The following EXOC4 variants were observed in gnomAD, a reference collection of about 807,000 sequenced individuals.
EXOC4 encodes SEC8-like 1.
A neutral mutation model predicts 107.2 loss-of-function variants in EXOC4; 71 were observed. The ratio of observed to expected loss-of-function variants is 0.66; its 90% confidence interval spans 0.55 to 0.81. EXOC4 has a LOEUF of 0.81. Among genes scored for constraint, EXOC4 ranks in the 30% least tolerant of loss-of-function variants. EXOC4 has a pLI of 0.00. For synonymous variants in EXOC4, 456 were observed against 441.2 expected (o/e 1.03, Z -0.42); for missense variants, 1,108 against 1,189.6 (o/e 0.93, Z 1.01).
At position 134,062,694 on chromosome 7, in the gene EXOC4, T is replaced by G. The variant is rs190438387; in HGVS notation, c.2688-1597T>G. On this transcript the variant is annotated intron_variant, in intron 17 of 17. Coordinates refer to ENST00000253861, the MANE Select transcript of EXOC4 (RefSeq NM_021807.4). ...ATAAGCCTTCCTGGCTCAGAGTCTG[T>G]GTTGAACTTGACCTCCTGGGTAATT... is the stretch of plus-strand genomic sequence containing the variant. Among the ~76,000 whole-genome samples, 67 of 143,482 alleles carry G rather than the reference T, an allele frequency of 4.7e-4. No individual in the cohort carries two copies. The East Asian group carries it at 0.012, about 25-fold the overall frequency. The allele number at this position is 143,482 out of a possible 152,430, so 94.1% of individuals were successfully genotyped here.
In EXOC4 at chr7:133,534,897, G is replaced by C. The variant is rs952397137; in HGVS notation, c.1417+54759G>C. On this transcript the variant is annotated intron_variant, in intron 9 of 17. Coordinates refer to ENST00000253861, the MANE Select transcript of EXOC4 (RefSeq NM_021807.4). ...CGGGGTGAATTTTATGCTTGGAGCT[G>C]TTATTATCCCATGTGGTATCTGTTG... 5.3e-5 allele frequency among the ~76,000 whole-genome samples: 8 copies of C among 152,200 alleles called. No homozygotes were observed. In the East Asian group the frequency reaches 1.2e-3, roughly 22 times the overall value.
At chr7:133,945,464 C>T (rs1585268086) in intron 14 of EXOC4, among the ~76,000 whole-genome samples, 1 of 152,172 alleles carries the variant, frequency 6.6e-6, no homozygotes, top group Admixed American at 6.5e-5. Flanking sequence ...TACGGTACTT[C>T]GTGTCCATGC....
At chr7:133,714,521 G>T (rs575483924) in intron 10 of EXOC4, among the ~76,000 whole-genome samples, 1 of 152,136 alleles carries the variant, frequency 6.6e-6, no homozygotes, top group South Asian at 2.1e-4. Context: ...TATAATGATT[G>T]TCATAATATA....
intron 9 of EXOC4, among the ~76,000 whole-genome samples, chr7:133,611,727 A>C (rs1219538007): frequency 1.3e-5 from 2 of 152,044 alleles, no homozygotes; most frequent in African/African-American, 4.8e-5. Context: ...TCTGTGTGTC[A>C]TTTCCATGAA....
intron 9 of EXOC4, among the ~76,000 whole-genome samples, chr7:133,501,867 C>G (rs1799581937): frequency 1.3e-5 from 2 of 152,010 alleles, no homozygotes; most frequent in Non-Finnish European, 2.9e-5. Flanking sequence ...CCTTGTAAGC[C>G]CACTTATTAT....
chr7:133,263,440 G>A (rs1188663630), intron 1 of EXOC4, among the ~76,000 whole-genome samples: 2 of 139,646 alleles, frequency 1.4e-5, no homozygotes, highest in East Asian at 4.2e-4. Context: ...GGAGTGCAGT[G>A]GTGTGATCTC....
chr7:133,869,920 T>G (rs540089586), intron 11 of EXOC4, among the ~76,000 whole-genome samples: 1 of 152,330 alleles, frequency 6.6e-6, no homozygotes, highest in Middle Eastern at 3.4e-3. Context: ...CTAGCTGATT[T>G]TTTGATCCAA....
At chr7:133,619,087 A>AT (rs56319913) in intron 9 of EXOC4, among the ~76,000 whole-genome samples, 20,285 of 152,122 alleles carry the variant, frequency 0.13, 1,478 homozygotes, top group East Asian at 0.25. Context: ...TGGTAAAGTT[A>AT]TTTAAAGCCA....
intron 5 of EXOC4, among the ~76,000 whole-genome samples, chr7:133,354,804 A>G (rs980219609): frequency 2.0e-5 from 3 of 152,138 alleles, no homozygotes; most frequent in Non-Finnish European, 4.4e-5. Context: ...CTACTTTGGT[A>G]AGAGCTGTAA....
chr7:133,523,985 T>C (rs1322407044), intron 9 of EXOC4, among the ~76,000 whole-genome samples: 1 of 150,182 alleles, frequency 6.7e-6, no homozygotes, highest in Non-Finnish European at 1.5e-5. Flanking sequence ...GGTCAAATGG[T>C]ATTTCTAGTT....
intron 7 of EXOC4, among the ~76,000 whole-genome samples, chr7:133,431,301 A>G (rs1371798282): frequency 2.6e-5 from 4 of 152,184 alleles, no homozygotes; most frequent in Admixed American, 2.0e-4. Flanking sequence ...AGTCATTTAC[A>G]TGTTTACTGC....
intron 7 of EXOC4, among the ~76,000 whole-genome samples, chr7:133,403,163 G>A (rs1178385631): frequency 3.9e-5 from 6 of 152,106 alleles, no homozygotes; most frequent in East Asian, 3.9e-4. Context: ...GATTGCAGGC[G>A]TGAGCCATCG....
At chr7:133,772,505 T>C (rs548647845) in intron 10 of EXOC4, among the ~76,000 whole-genome samples, 55 of 144,816 alleles carry the variant, frequency 3.8e-4, no homozygotes, top group African/African-American at 1.3e-3. Context: ...AATGTGCACA[T>C]GTACCCTAAA....
At chr7:133,569,422 G>A (rs1053377572) in intron 9 of EXOC4, among the ~76,000 whole-genome samples, 1 of 152,166 alleles carries the variant, frequency 6.6e-6, no homozygotes, top group Admixed American at 6.5e-5. Context: ...AAATGTGTAA[G>A]TTGACATAAT....
At chr7:133,502,194 A>AT (rs1252793785) in intron 9 of EXOC4, among the ~76,000 whole-genome samples, 12 of 148,110 alleles carry the variant, frequency 8.1e-5, no homozygotes, top group Non-Finnish European at 1.5e-4. Context: ...GAGTCGTTTG[A>AT]TTTTGATTCT....
At chr7:133,422,626 A>AGGTTT (rs1322116451) in intron 7 of EXOC4, among the ~76,000 whole-genome samples, 2 of 152,184 alleles carry the variant, frequency 1.3e-5, no homozygotes, top group African/African-American at 2.4e-5. Context: ...GAGGTTATGT[A>AGGTTT]GGTTACATGT....
intron 10 of EXOC4, among the ~76,000 whole-genome samples, chr7:133,692,331 T>A (rs767733094): frequency 7.9e-5 from 12 of 152,224 alleles, no homozygotes; most frequent in Non-Finnish European, 1.5e-4. Flanking sequence ...CTAAAGTCTT[T>A]TCTCTACCAA....
chr7:133,474,733 C>T (rs550524212), intron 7 of EXOC4, among the ~76,000 whole-genome samples: 9 of 152,172 alleles, frequency 5.9e-5, no homozygotes, highest in Admixed American at 5.9e-4. Context: ...TTCTATATCT[C>T]TTTTTGCAGG....
chr7:133,345,269 G>A (rs1056396861), intron 5 of EXOC4, among the ~76,000 whole-genome samples: 10 of 152,046 alleles, frequency 6.6e-5, no homozygotes, highest in Non-Finnish European at 1.5e-4. Context: ...AATGACTCAA[G>A]GGAGATCACA....
Sources: gnomAD v4.1 joint callset for allele counts (sites outside exome capture counted in the v4.1 genomes callset) on GRCh38, gnomAD v4.1.1 for gene constraint, MANE v1.5 for transcripts, NCBI Gene and HGNC (gene_info 2026-07-23, HGNC 2026-07-21) for gene names.